PDZD2: variants seen among roughly 807,000 people sequenced by gnomAD.
PDZD2 encodes the protein PDZ domain-containing protein 2.
In PDZD2, 90 loss-of-function variants were observed where a neutral mutation model predicts 220.7. The observed-to-expected ratio is 0.41, with a 90% CI of 0.34 to 0.49. The LOEUF (loss-of-function observed/expected upper bound fraction) is 0.49, where lower values mean the gene tolerates loss of function less well. PDZD2 is among the 20% of genes least tolerant of loss of function. PDZD2 has a pLI of 0.28. For synonymous variants in PDZD2, 1,375 were observed against 1,450.5 expected (o/e 0.95, Z 1.18); for missense variants, 3,174 against 3,608.5 (o/e 0.88, Z 3.08).
chr5:31,712,924 A>C (rs1011339899), intron 1 of PDZD2, among the ~76,000 whole-genome samples: 1 of 152,196 alleles, frequency 6.6e-6, no homozygotes, highest in Non-Finnish European at 1.5e-5. Flanking sequence ...TGACTGCAGG[A>C]GTGAGATGTA....
intron 2 of PDZD2, among the ~76,000 whole-genome samples, chr5:31,912,566 T>C (rs1330157285): frequency 6.6e-6 from 1 of 152,222 alleles, no homozygotes; most frequent in African/African-American, 2.4e-5. Context: ...TTGACATTTC[T>C]GTGCTTGTCT....
At chr5:32,016,342 G>A (rs535477796) in intron 6 of PDZD2, among the ~76,000 whole-genome samples, 16 of 152,276 alleles carry the variant, frequency 1.1e-4, no homozygotes, top group Middle Eastern at 3.4e-3. Flanking sequence ...TGGTTGATTC[G>A]TGGTGTCCTA....
intron 3 of PDZD2, among the ~76,000 whole-genome samples, chr5:31,994,792 T>A (rs968819601): frequency 1.3e-5 from 2 of 152,146 alleles, no homozygotes; most frequent in African/African-American, 4.8e-5. Context: ...TGGCCCTCAA[T>A]ATGGTGTTTT....
intron 6 of PDZD2, among the ~76,000 whole-genome samples, chr5:32,023,479 G>T (rs1754389685): frequency 6.6e-6 from 1 of 152,088 alleles, no homozygotes; most frequent in South Asian, 2.1e-4. Context: ...TTAAACAGTG[G>T]TAAGTGATTC....
chr5:31,942,405 C>T (rs994832414), intron 2 of PDZD2, among the ~76,000 whole-genome samples: 9 of 143,912 alleles, frequency 6.3e-5, no homozygotes, highest in African/African-American at 2.4e-4. Flanking sequence ...GTGTGTGTGT[C>T]AGGGAGGGAG....
intron 2 of PDZD2, among the ~76,000 whole-genome samples, chr5:31,831,290 G>C (rs1346315104): frequency 6.6e-6 from 1 of 151,578 alleles, no homozygotes; most frequent in Non-Finnish European, 1.5e-5. Flanking sequence ...AGACCATCGT[G>C]GCCAACATGG....
At position 32,090,804 on chromosome 5, in the gene PDZD2, C is replaced by A; in HGVS notation, c.7356C>A (p.Pro2452=). 6.2e-7 allele frequency: 1 copy of A among 1,614,064 alleles called. No homozygotes were observed. Among genetic ancestry groups the A allele is most frequent in the Non-Finnish European group, 8.5e-7 (1 of 1,180,004 alleles). ...LKKSLGPLGI[P]TPTMTLASPV... is the part of the protein sequence containing the mutation. ...AATCACTTGGTCCTTTGGGAATTCCCACCCCAACGATGACCCTGGCTTCTC... is the reference window on the plus strand; with the variant it reads ...AATCACTTGGTCCTTTGGGAATTCCAACCCCAACGATGACCCTGGCTTCTC... Residue 2452 remains proline (P), a synonymous_variant, in exon 20 of 25, where the codon CCC becomes CCA. Coordinates refer to ENST00000438447, the MANE Select transcript of PDZD2 (RefSeq NM_178140.4). The surrounding 1 kb of genome is among the most constrained non-coding windows in gnomAD (Gnocchi z 4.3).
intron 1 of PDZD2, among the ~76,000 whole-genome samples, chr5:31,784,906 C>CA (rs57587256): frequency 9.3e-4 from 130 of 139,360 alleles, no homozygotes; most frequent in Admixed American, 1.5e-3. Flanking sequence ...GATGCCGTCT[C>CA]AAAAAAAAAA....
intron 2 of PDZD2, among the ~76,000 whole-genome samples, chr5:31,978,546 C>T (rs563593245): frequency 5.3e-5 from 8 of 151,948 alleles, no homozygotes; most frequent in East Asian, 1.9e-4. Flanking sequence ...GGTGAAACCC[C>T]GTCTCTACTA....
intron 1 of PDZD2, among the ~76,000 whole-genome samples, chr5:31,778,457 C>A (rs1043950460): frequency 6.6e-6 from 1 of 151,812 alleles, no homozygotes; most frequent in African/African-American, 2.4e-5. Flanking sequence ...ACTCCTGAGG[C>A]CAGCGAGACC....
intron 2 of PDZD2, among the ~76,000 whole-genome samples, chr5:31,883,874 T>C (rs1740172658): frequency 6.6e-6 from 1 of 152,180 alleles, no homozygotes; most frequent in Non-Finnish European, 1.5e-5. Context: ...GTGCTGAGAT[T>C]ACAGGCGTGG....
chr5:31,964,060 CT>C (rs1748493632), intron 2 of PDZD2, among the ~76,000 whole-genome samples: 1 of 152,220 alleles, frequency 6.6e-6, no homozygotes, highest in Non-Finnish European at 1.5e-5. Context: ...TCCAGAGATA[CT>C]TTTTTTCCAG....
chr5:31,945,972 C>T (rs1203837971), intron 2 of PDZD2, among the ~76,000 whole-genome samples: 1 of 152,136 alleles, frequency 6.6e-6, no homozygotes, highest in Non-Finnish European at 1.5e-5. Flanking sequence ...GAAGAATTCT[C>T]CCTGGCAAAC....
chr5:31,648,091 C>T (rs1745201172), intron 1 of PDZD2, among the ~76,000 whole-genome samples: 1 of 152,200 alleles, frequency 6.6e-6, no homozygotes, highest in East Asian at 1.9e-4. Context: ...ATAGTAACAA[C>T]AACTGATATT....
At chr5:31,847,614 G>A (rs980697424) in intron 2 of PDZD2, 3 of 640,808 alleles carry the variant, frequency 4.7e-6, no homozygotes, top group Admixed American at 1.8e-5. Flanking sequence ...GCATGGGCAA[G>A]ATCTAGGAAT....
chr5:31,987,675 C>T (rs996426044), intron 3 of PDZD2, among the ~76,000 whole-genome samples: 3 of 152,184 alleles, frequency 2.0e-5, no homozygotes, highest in Admixed American at 6.5e-5. Context: ...AAACTCAGCA[C>T]ATCATTTTCC....
intron 5 of PDZD2, among the ~76,000 whole-genome samples, chr5:32,002,765 C>CACCA (rs1561312865): frequency 9.3e-6 from 1 of 107,084 alleles, no homozygotes; most frequent in African/African-American, 4.1e-5. Context: ...ACCCCACACA[C>CACCA]CACACACACC....
intron 2 of PDZD2, among the ~76,000 whole-genome samples, chr5:31,836,157 AC>A (rs1299683500): frequency 2.6e-5 from 4 of 152,122 alleles, no homozygotes; most frequent in African/African-American, 9.7e-5. Context: ...TTATTAAAAA[AC>A]AGCACAGTAA....
At chr5:32,082,014 GGC>G in intron 19 of PDZD2, among the ~76,000 whole-genome samples, 1 of 144,150 alleles carries the variant, frequency 6.9e-6, no homozygotes, top group Middle Eastern at 4.1e-3. Flanking sequence ...CACCGCGCCT[GGC>G]ATATCTTTGT....
Sources: gnomAD v4.1 joint callset for allele counts (sites outside exome capture counted in the v4.1 genomes callset) on GRCh38, gnomAD v4.1.1 for gene constraint, Gnocchi (gnomAD v3.1) non-coding constraint, MANE v1.5 for transcripts, NCBI Gene and HGNC (gene_info 2026-07-23, HGNC 2026-07-21) for gene names.